DMD: variants seen among roughly 807,000 people sequenced by gnomAD.
DMD encodes the protein dystrophin, also known as mutant dystrophin.
In DMD, 63 loss-of-function variants were observed where a neutral mutation model predicts 330.1. The ratio of observed to expected loss-of-function variants is 0.19; its 90% confidence interval spans 0.16 to 0.24. The LOEUF is 0.24. DMD is among the 10% of genes least tolerant of loss of function. DMD has a pLI of 1.00. For synonymous variants in DMD, 1,223 were observed against 959.8 expected (o/e 1.27, Z -5.07); for missense variants, 3,344 against 2,684.1 (o/e 1.25, Z -5.43).
chrX:32,768,870 C>A (rs1282365878), intron 7 of DMD, among the ~76,000 whole-genome samples: 2 of 111,669 alleles, frequency 1.8e-5, no homozygotes, highest in Non-Finnish European at 3.8e-5. Context: ...GAAGCAGCCA[C>A]TCAGCCAGCC....
At chrX:31,904,634 A>C (rs939789304) in intron 47 of DMD, among the ~76,000 whole-genome samples, 1 of 111,717 alleles carries the variant, frequency 9.0e-6, no homozygotes, top group African/African-American at 3.3e-5. Context: ...AGCCAACAAG[A>C]AAAGGAAGAC....
chrX:31,554,655 T>C (rs747747107), intron 55 of DMD, among the ~76,000 whole-genome samples: 1 of 112,107 alleles, frequency 8.9e-6, no homozygotes, highest in Non-Finnish European at 1.9e-5. Context: ...GTATATGTTA[T>C]CACTTTGATA....
Position 33,242,298 on chromosome X carries a change from T to C in DMD, c.7+96961A>G, listed in dbSNP as rs759672703. On this transcript the variant is annotated intron_variant, in intron 1 of 17. Coordinates refer to the DMD transcript ENST00000288447. Reference sequence around the variant, plus strand: ...CCCCAAGTCCCCAAAGTCCATTGTATTATTCTTATGCCTTTGTGTTCTTAT... The same window carrying C: ...CCCCAAGTCCCCAAAGTCCATTGTACTATTCTTATGCCTTTGTGTTCTTAT... Among the ~76,000 whole-genome samples the C allele has an allele frequency of 5.4e-5, 6 of 111,383 alleles. No individual in the cohort carries two copies. In the South Asian group the frequency reaches 2.3e-3, roughly 42 times the overall value.
intron 37 of DMD, among the ~76,000 whole-genome samples, chrX:32,355,151 G>A (rs2097794699): frequency 9.0e-6 from 1 of 111,185 alleles, no homozygotes; most frequent in South Asian, 3.7e-4. Flanking sequence ...AATACAAAAA[G>A]TATAACGAAA....
At chrX:32,512,767 GAGAC>G (rs1210310527) in intron 18 of DMD, among the ~76,000 whole-genome samples, 2 of 112,273 alleles carry the variant, frequency 1.8e-5, no homozygotes, top group African/African-American at 6.5e-5. Context: ...TGCAACGAGA[GAGAC>G]AGCGCATCAC....
At chrX:31,754,776 T>A (rs1277918160) in intron 51 of DMD, among the ~76,000 whole-genome samples, 2 of 111,220 alleles carry the variant, frequency 1.8e-5, no homozygotes, top group Non-Finnish European at 3.8e-5. Context: ...CATGCCCTAT[T>A]ACCCCCATAC....
At chrX:32,833,548 A>T (rs2079332429) in intron 4 of DMD, among the ~76,000 whole-genome samples, 1 of 109,701 alleles carries the variant, frequency 9.1e-6, no homozygotes, top group African/African-American at 3.3e-5. Flanking sequence ...TATGAAAGAT[A>T]TATATACTTT....
Position 32,956,835 on chromosome X carries a change from C to G in DMD, c.93+63304G>C, listed in dbSNP as rs757709779. On this transcript the variant is annotated intron_variant, in intron 2 of 78. Transcript: ENST00000357033. ...ATAGACATGAAGCCCCTGCCCACAC[C>G]CCAGTGAAAAACAACTCACTACTTC... Among the ~76,000 whole-genome samples the G allele has an allele frequency of 2.7e-5, 3 of 111,160 alleles. 1 individual carries two copies. The South Asian group carries it at 1.1e-3, about 42-fold the overall frequency.
intron 29 of DMD, among the ~76,000 whole-genome samples, chrX:32,435,350 T>C (rs1331255238): frequency 1.9e-5 from 2 of 102,788 alleles, no homozygotes; most frequent in African/African-American, 6.9e-5. Flanking sequence ...TACTCTAGAA[T>C]ATCATCTAGT....
intron 55 of DMD, among the ~76,000 whole-genome samples, chrX:31,583,648 T>G (rs950800758): frequency 4.5e-5 from 5 of 110,671 alleles, no homozygotes; most frequent in African/African-American, 1.6e-4. Context: ...GATTAATTTT[T>G]ATTTTAAGTT....
At chrX:32,418,188 G>A (rs1424298765) in intron 29 of DMD, among the ~76,000 whole-genome samples, 1 of 111,501 alleles carries the variant, frequency 9.0e-6, no homozygotes, top group Admixed American at 9.6e-5. Context: ...CCTGGATGAT[G>A]TAAAAGCATT....
chrX:31,907,990 A>T (rs2094498454), intron 47 of DMD, among the ~76,000 whole-genome samples: 1 of 112,571 alleles, frequency 8.9e-6, no homozygotes, highest in African/African-American at 3.2e-5. Context: ...GTCATCAGAG[A>T]AATGCAAATC....
chrX:32,671,306 A>G (rs1056266697), intron 9 of DMD, among the ~76,000 whole-genome samples: 2 of 111,164 alleles, frequency 1.8e-5, no homozygotes, highest in Non-Finnish European at 3.8e-5. Context: ...ACTGTTTTCA[A>G]CAAACTTCTT....
At chrX:33,023,919 T>A (rs766533374) in intron 1 of DMD, among the ~76,000 whole-genome samples, 79 of 111,976 alleles carry the variant, frequency 7.1e-4, no homozygotes, top group Non-Finnish European at 1.1e-3. Flanking sequence ...AGTCAGTGAA[T>A]GGACATATTT....
At chrX:32,816,875 G>T (rs771791016) in intron 5 of DMD, among the ~76,000 whole-genome samples, 1 of 111,520 alleles carries the variant, frequency 9.0e-6, no homozygotes, top group East Asian at 2.8e-4. Context: ...ATTACTCCTG[G>T]ATTCTGCCAT....
At chrX:31,254,460 G>A (rs1392089602) in intron 63 of DMD, among the ~76,000 whole-genome samples, 1 of 110,839 alleles carries the variant, frequency 9.0e-6, no homozygotes, top group African/African-American at 3.3e-5. Flanking sequence ...GGGCTCAAGC[G>A]ACCCTCCCAC....
chrX:32,726,991 A>T (rs1348581021), intron 7 of DMD, among the ~76,000 whole-genome samples: 1 of 110,816 alleles, frequency 9.0e-6, no homozygotes. Flanking sequence ...TGGTAGATTC[A>T]TAAAGACCTT....
chrX:33,149,116 A>G (rs2048162446), intron 1 of DMD, among the ~76,000 whole-genome samples: 1 of 110,168 alleles, frequency 9.1e-6, no homozygotes, highest in African/African-American at 3.3e-5. Context: ...TATTTCTATT[A>G]TTATTATTAC....
intron 17 of DMD, among the ~76,000 whole-genome samples, chrX:32,532,022 C>T (rs778169465): frequency 1.8e-5 from 2 of 111,130 alleles, no homozygotes; most frequent in African/African-American, 3.3e-5. Context: ...CCTCAACTTT[C>T]TAATCTGATG....
Sources: allele counts gnomAD v4.1 joint callset (sites outside exome capture counted in the v4.1 genomes callset), GRCh38; gene constraint gnomAD v4.1.1; transcripts MANE v1.5; gene names NCBI Gene and HGNC (gene_info 2026-07-23, HGNC 2026-07-21).